Variants in PFKP observed in about 807,000 individuals in gnomAD.
PFKP encodes ATP-dependent 6-phosphofructokinase, platelet type.
A neutral mutation model predicts 94.3 loss-of-function variants in PFKP; 101 were observed. The ratio of observed to expected loss-of-function variants is 1.07; its 90% CI spans 0.91 to 1.26. The LOEUF (loss-of-function observed/expected upper bound fraction) is 1.26, where lower values mean the gene tolerates loss of function less well. Among genes scored for constraint, PFKP ranks in the 50% most tolerant of loss-of-function variants. PFKP has a pLI of 0.00. For synonymous variants in PFKP, 573 were observed against 432.6 expected (o/e 1.32, Z -4.03); for missense variants, 1,145 against 1,103.3 (o/e 1.04, Z -0.53).
intron 20 of PFKP, 67 bp from the exon 21 acceptor site, chr10:3,135,669 G>T (rs535272943): frequency 1.0e-6 from 1 of 969,490 alleles, no homozygotes. Flanking sequence ...ATCTCGCCCC[G>T]TGATTCTGCT....
chr10:3,113,297 C>T (rs1836445155), intron 12 of PFKP, 75 bp from the exon 13 acceptor site: 8 of 1,573,396 alleles, frequency 5.1e-6, no homozygotes, highest in Admixed American at 3.5e-5. Flanking sequence ...ACGGCATGAG[C>T]CACTGCCAAA....
rs1041081748 is a variant in PFKP at position 3,109,163 on chromosome 10, C to G, written c.964-192C>G. Reference sequence around the variant, plus strand: ...TTAACACTCCTGCTCTCCATGTGCCCTGACCTCCTCTCTGTTCCCGTCTTG... The same window carrying G: ...TTAACACTCCTGCTCTCCATGTGCCGTGACCTCCTCTCTGTTCCCGTCTTG... On this transcript the variant is annotated intron_variant, in intron 9 of 21. Transcript: ENST00000381125. Among the ~76,000 whole-genome samples, 3 of 152,210 alleles carry G rather than the reference C, an allele frequency of 2.0e-5. No individual in the cohort carries two copies. The South Asian group carries it at 6.2e-4, about 32-fold the overall frequency.
chr10:3,067,717 C>G lies in PFKP; in HGVS notation c.112+10C>G. ...GGCGGGGATGCTCAAGGTGCGCGCC[C>G]CCCTCCCGGCGGCGAGGGAGGGACG... On this transcript the variant is annotated intron_variant, in intron 1 of 21. Transcript: ENST00000381125. 7.0e-7 allele frequency: 1 copy of G among 1,430,252 alleles called. No individual in the cohort carries two copies. Among genetic ancestry groups the G allele is most frequent in the Non-Finnish European group, 9.4e-7 (1 of 1,069,392 alleles). 88.6% of individuals were successfully genotyped at this position (1,430,252 alleles called of 1,614,324 possible). A position where few individuals can be genotyped will look rare whatever the true frequency, so the allele number is the denominator to read the frequency against.
rs1232049114 is a variant in PFKP, at chr10:3,118,860, T to C, written c.1521T>C (p.Gly507=). 6.2e-7 allele frequency: 1 copy of C among 1,612,498 alleles called. No homozygotes were observed. Among genetic ancestry groups the C allele is most frequent in the Non-Finnish European group, 8.5e-7 (1 of 1,178,864 alleles). The part of the protein sequence containing the change: ...THSINALLII[G]GFEAYLGLLE... ...GCATCAACGCGCTGCTGATCATCGG[T>C]GGATTCGAGGTACGTTACCGTTTCT... Residue 507 remains glycine (G), a synonymous_variant, in exon 15 of 22, where the codon GGT becomes GGC. Transcript: ENST00000381125.
intron 20 of PFKP, 147 bp from the exon 21 acceptor site, chr10:3,135,589 G>T (rs1048734442): frequency 1.5e-5 from 9 of 581,680 alleles, no homozygotes; most frequent in Non-Finnish European, 2.8e-5. Flanking sequence ...TGGCCCCACT[G>T]CGCGGCTGTT....
chr10:3,129,025 G>GT (rs1380905340), intron 16 of PFKP: 1 of 152,286 alleles, frequency 6.6e-6, no homozygotes, highest in Non-Finnish European at 1.5e-5. Flanking sequence ...TCAGATTTAT[G>GT]TTTTTTATAG....
At chr10:3,133,175 C>G (rs370612480) in intron 18 of PFKP, 28 bp from the exon 19 acceptor site, 6 of 1,572,152 alleles carry the variant, frequency 3.8e-6, no homozygotes, top group Admixed American at 3.3e-5. Context: ...GCACGCTAAA[C>G]AAAGTGACTC....
chr10:3,091,154 G>A (rs1044602570), intron 2 of PFKP, among the ~76,000 whole-genome samples: 1 of 152,192 alleles, frequency 6.6e-6, no homozygotes, highest in Non-Finnish European at 1.5e-5. Flanking sequence ...GAGACTCGGG[G>A]AGGGTTTGCC....
chr10:3,103,266 A>G (rs1835193455), intron 4 of PFKP, among the ~76,000 whole-genome samples: 1 of 152,218 alleles, frequency 6.6e-6, no homozygotes, highest in African/African-American at 2.4e-5. Flanking sequence ...GTGCCAGGTG[A>G]CAGAGTCCAT....
intron 1 of PFKP, 34 bp from the exon 2 acceptor site, chr10:3,082,354 T>C (rs778252929): frequency 1.8e-5 from 28 of 1,554,268 alleles, no homozygotes; most frequent in Non-Finnish European, 2.5e-5. Context: ...TACCCCGGGC[T>C]CTTCAGTGAC....
intron 20 of PFKP, 79 bp from the exon 21 acceptor site, chr10:3,135,657 T>C: frequency 1.2e-6 from 1 of 854,366 alleles, no homozygotes; most frequent in Non-Finnish European, 1.9e-6. Flanking sequence ...ATCTCAGTTC[T>C]CATCTCGCCC....
chr10:3,131,017 G>A (rs1838513872), intron 17 of PFKP, among the ~76,000 whole-genome samples: 1 of 152,134 alleles, frequency 6.6e-6, no homozygotes, highest in Non-Finnish European at 1.5e-5. Flanking sequence ...TCTGTCAACA[G>A]TGGGTCCCAT....
intron 2 of PFKP, among the ~76,000 whole-genome samples, chr10:3,084,334 G>T (rs571347537): frequency 2.8e-4 from 42 of 152,286 alleles, no homozygotes; most frequent in African/African-American, 9.4e-4. Context: ...TCCCCTGTCT[G>T]CTTTCTAAGC....
In PFKP at chr10:3,115,694, T is replaced by C. The variant is rs548984151; in HGVS notation, c.1372-1082T>C. ...CTCATGGGTTTAGGAATCTTCAGCG[T>C]CTCCACGTAGTTAAAGATGCAGAAC... On this transcript the variant is annotated intron_variant, in intron 13 of 21. Coordinates refer to ENST00000381125, the MANE Select transcript of PFKP (RefSeq NM_002627.5). Among the ~76,000 whole-genome samples, 40 of 152,254 alleles carry C rather than the reference T, an allele frequency of 2.6e-4. No individual in the cohort carries two copies. In the South Asian group the frequency reaches 7.3e-3, roughly 28 times the overall value.
At chr10:3,079,884 A>G (rs1394009461) in intron 1 of PFKP, among the ~76,000 whole-genome samples, 1 of 151,982 alleles carries the variant, frequency 6.6e-6, no homozygotes, top group Non-Finnish European at 1.5e-5. Flanking sequence ...ATGAGCGAGG[A>G]CCTTCCACAG....
At chr10:3,075,452 G>C (rs1416638456) in intron 1 of PFKP, among the ~76,000 whole-genome samples, 1 of 151,670 alleles carries the variant, frequency 6.6e-6, no homozygotes, top group Non-Finnish European at 1.5e-5. Context: ...TCTGGAGCCA[G>C]TGGGGCAGTT....
intron 16 of PFKP, among the ~76,000 whole-genome samples, chr10:3,120,428 A>G (rs894690225): frequency 7.2e-5 from 11 of 151,942 alleles, no homozygotes; most frequent in African/African-American, 2.2e-4. Context: ...TGAGCCTCCA[A>G]TACCCATTAT....
intron 16 of PFKP, chr10:3,128,981 T>C (rs1056142364): frequency 6.6e-6 from 1 of 152,208 alleles, no homozygotes; most frequent in Non-Finnish European, 1.5e-5. Context: ...GTACTTGAAG[T>C]GAGCAAAGGG....
intron 8 of PFKP, chr10:3,107,739 A>G: frequency 1.2e-6 from 1 of 844,860 alleles, no homozygotes; most frequent in Non-Finnish European, 1.3e-6. Context: ...GCATCAGCTG[A>G]GCACATTCTT....
Sources: gnomAD v4.1 joint callset for allele counts (sites outside exome capture counted in the v4.1 genomes callset) on GRCh38, gnomAD v4.1.1 for gene constraint, MANE v1.5 for transcripts, NCBI Gene and HGNC (gene_info 2026-07-23, HGNC 2026-07-21) for gene names.